Variants in SULT1C3 observed in about 807,000 individuals in gnomAD.
SULT1C3 encodes sulfotransferase family 1C member 3.
In SULT1C3, 31 loss-of-function variants were observed where a neutral mutation model predicts 28.4. The ratio of observed to expected loss-of-function variants is 1.09; its 90% CI spans 0.82 to 1.47. The LOEUF (loss-of-function observed/expected upper bound fraction) is 1.47, where lower values mean the gene tolerates loss of function less well. Ranked by LOEUF, SULT1C3 falls within the 40% of genes most tolerant of loss-of-function variation. The pLI is 0.00. For missense variants in SULT1C3, 307 were observed against 272.5 expected, an observed-to-expected ratio of 1.13 and a Z score of -0.89; for synonymous variants, 106 against 92.2, an observed-to-expected ratio of 1.15 and a Z score of -0.86.
At chr2:108,264,729 C>A, downstream of SULT1C3, 1 of 1,230,982 alleles carries the variant, frequency 8.1e-7, no homozygotes, top group Non-Finnish European at 1.1e-6. Context: ...TCAAATGATC[C>A]TTTAACTCAT....
chr2:108,246,613 C>T (rs1311180058), intron 1 of SULT1C3, among the ~76,000 whole-genome samples: 2 of 151,896 alleles, frequency 1.3e-5, no homozygotes, highest in African/African-American at 4.8e-5. Flanking sequence ...CTGCTGTAAC[C>T]CATGACTGAT....
downstream of SULT1C3, among the ~76,000 whole-genome samples, chr2:108,261,567 G>A (rs780919531): frequency 1.2e-4 from 18 of 152,108 alleles, no homozygotes; most frequent in Non-Finnish European, 2.4e-4. Context: ...AGAAGGTCCT[G>A]AGGGGCCTTA....
chr2:108,263,803 C>T (rs970622564), downstream of SULT1C3, among the ~76,000 whole-genome samples: 9 of 152,204 alleles, frequency 5.9e-5, no homozygotes, highest in Non-Finnish European at 1.3e-4. Context: ...CTCAAAAGCT[C>T]TAACTACTTT....
At position 108,252,406 on chromosome 2, in the gene SULT1C3, G is replaced by A. The variant is rs766992979; in HGVS notation, c.214G>A (p.Asp72Asn). Reference sequence around the variant, plus strand: ...TGAAATTTTAGACATGATTCTAAATGATGGTGATGTGGAGAAATGCAAAAG... The same window carrying A: ...TGAAATTTTAGACATGATTCTAAATAATGGTGATGTGGAGAAATGCAAAAG... ...MHEILDMILNDGDVEKCKRAQ... is the reference protein window; with the variant it reads ...MHEILDMILNNGDVEKCKRAQ... Residue 72 changes from aspartate (D) to asparagine (N), a missense_variant, in exon 3 of 8, where the codon GAT (aspartate) becomes AAT (asparagine). Coordinates refer to ENST00000681802, the MANE Select transcript of SULT1C3 (RefSeq NM_001320878.2). 1.9e-6 allele frequency: 3 copies of A among 1,611,892 alleles called. No homozygotes were observed. The highest frequency in any genetic ancestry group is 2.5e-6 in the Non-Finnish European group (3 of 1,178,744).
At position 108,247,271 on chromosome 2, in the gene SULT1C3, T is replaced by G. The variant is rs764591646; in HGVS notation, c.77T>G (p.Val26Gly). The G allele has an allele frequency of 1.3e-6, 2 of 1,592,824 alleles. No homozygotes were observed. Among genetic ancestry groups the G allele is most frequent in the South Asian group, 2.3e-5 (2 of 87,264 alleles). The part of the protein sequence containing the change: ...ELFNIMEVDG[V>G]PTLILSKEWW... Reference sequence around the variant, plus strand: ...TTTAACATCATGGAAGTAGATGGAGTCCCTACGTTGATATTATCAAAAGAA... The same window carrying G: ...TTTAACATCATGGAAGTAGATGGAGGCCCTACGTTGATATTATCAAAAGAA... The change falls in exon 2 of 8, where the codon GTC becomes GGC. Residue 26 changes from valine to glycine, a missense_variant. Val to Gly is a moderately radical substitution (Grantham distance 109, BLOSUM62 -3). Coordinates refer to ENST00000681802, the MANE Select transcript of SULT1C3 (RefSeq NM_001320878.2).
At chr2:108,261,894 TA>T (rs1305961945), downstream of SULT1C3, among the ~76,000 whole-genome samples, 1 of 151,960 alleles carries the variant, frequency 6.6e-6, no homozygotes, top group Non-Finnish European at 1.5e-5. Flanking sequence ...AACTCAAAGG[TA>T]AAAAATAGAT....
rs531402031 is a variant in SULT1C3, at chr2:108,254,737, A to T, written c.400-835A>T. Among the ~76,000 whole-genome samples, 8 of 150,616 alleles carry T rather than the reference A, an allele frequency of 5.3e-5. No individual in the cohort carries two copies. In the South Asian group the frequency reaches 1.7e-3, roughly 31 times the overall value. On this transcript the variant is annotated intron_variant, in intron 4 of 7. Transcript: ENST00000681802. The stretch of plus-strand genomic sequence containing the variant: ...TGTATGTATATATATGTATATATGT[A>T]TGTATGCATACATATGTATGTATAT...
intron 1 of SULT1C3, among the ~76,000 whole-genome samples, chr2:108,243,732 C>T (rs1675521963): frequency 6.6e-6 from 1 of 152,084 alleles, no homozygotes; most frequent in South Asian, 2.1e-4. Context: ...CAGCAAGAGA[C>T]TATGAGATTT....
chr2:108,247,504 G>A, intron 2 of SULT1C3, 138 bp downstream of exon 2: 2 of 798,672 alleles, frequency 2.5e-6, no homozygotes, highest in Non-Finnish European at 1.8e-6. Flanking sequence ...GGTGCTGCAG[G>A]ACATTTAGCA....
chr2:108,259,041 G>A lies in SULT1C3; in HGVS notation c.697G>A (p.Val233Ile). 3.0e-6 allele frequency: 2 copies of A among 667,838 alleles called. No homozygotes were observed. Among genetic ancestry groups the A allele is most frequent in the South Asian group, 1.6e-5 (1 of 63,928 alleles). 41.4% of individuals were successfully genotyped at this position (667,838 alleles called of 1,614,324 possible). ...TWSGDVINKIVHHTSFDVMKD... is the reference protein window; with the variant it reads ...TWSGDVINKIIHHTSFDVMKD... ...GTCAGGTGATGTTATAAACAAGATT[G>A]TCCACCATACCTCATTTGATGTAAT... Residue 233 changes from valine (V) to isoleucine (I), a missense_variant, in exon 7 of 8, where the codon GTC becomes ATC. Transcript: ENST00000681802.
At chr2:108,254,718 T>C (rs1227834148) in intron 4 of SULT1C3, among the ~76,000 whole-genome samples, 4 of 134,696 alleles carry the variant, frequency 3.0e-5, no homozygotes, top group African/African-American at 9.4e-5. Context: ...TATATGTATG[T>C]ATATATATGT....
Position 108,255,703 on chromosome 2 carries a change from G to A in SULT1C3, c.526+5G>A, listed in dbSNP as rs1675851901. The A allele has an allele frequency of 1.9e-6, 3 of 1,608,736 alleles. No individual in the cohort carries two copies. Among genetic ancestry groups the A allele is most frequent in the Admixed American group, 1.7e-5 (1 of 59,668 alleles). ...AGAAATTCATGTCCGGAAAAGGTGA[G>A]TTCAAACTGATCTTTTTGGTACCCT... On this transcript the variant is annotated splice_donor_5th_base_variant and intron_variant, in intron 5 of 7. Coordinates refer to ENST00000681802, the MANE Select transcript of SULT1C3 (RefSeq NM_001320878.2).
At chr2:108,247,473 C>A in intron 2 of SULT1C3, 107 bp downstream of exon 2, 1 of 1,085,292 alleles carries the variant, frequency 9.2e-7, no homozygotes. Flanking sequence ...AACAATTCCT[C>A]ATTATGGAGA....
rs1675862902 is a variant in SULT1C3, at chr2:108,256,177, G to A, written c.526+479G>A. Among the ~76,000 whole-genome samples, 3 of 152,028 alleles carry A rather than the reference G, an allele frequency of 2.0e-5. No individual in the cohort carries two copies. In the South Asian group the frequency reaches 6.2e-4, roughly 32 times the overall value. ...CTGCAGGAACCTCACATTAGAATTA[G>A]CAGCCATGACCCCTCATCCATTTAT... On this transcript the variant is annotated intron_variant, in intron 5 of 7. Transcript: ENST00000681802.
chr2:108,265,165 G>C, downstream of SULT1C3: 1 of 1,472,974 alleles, frequency 6.8e-7, no homozygotes, highest in Non-Finnish European at 9.3e-7. Flanking sequence ...CTCATTCTTG[G>C]TGGGGTCCTA....
intron 2 of SULT1C3, among the ~76,000 whole-genome samples, chr2:108,250,162 G>A (rs918025539): frequency 6.6e-6 from 1 of 151,470 alleles, no homozygotes; most frequent in South Asian, 2.1e-4. Context: ...TGACATAGAT[G>A]GAGAGAAAAT....
chr2:108,253,437 T>A lies in SULT1C3; in HGVS notation c.394T>A (p.Cys132Ser), dbSNP rs199728317. The A allele has an allele frequency of 1.1e-5, 17 of 1,541,906 alleles. No individual in the cohort carries two copies. The Admixed American group carries it at 2.6e-4, about 24-fold the overall frequency. The change falls in exon 4 of 8, where the codon TGC becomes AGC. Residue 132 changes from cysteine (C) to serine (S), a missense_variant. Cys to Ser is a moderately radical substitution (Grantham distance 112). Coordinates refer to ENST00000681802, the MANE Select transcript of SULT1C3 (RefSeq NM_001320878.2). ...TCCACCATCTATCTGGAAAGAAAACTGCAAGGTATAAAGAGGGGGCTTTTC... is the reference window on the plus strand; with the variant it reads ...TCCACCATCTATCTGGAAAGAAAACAGCAAGGTATAAAGAGGGGGCTTTTC... ...LIPPSIWKEN[C>S]KIVYVARNPK...
At chr2:108,255,731 T>G (rs1675852714) in intron 5 of SULT1C3, 33 bp downstream of exon 5, 1 of 1,599,284 alleles carries the variant, frequency 6.3e-7, no homozygotes, top group Non-Finnish European at 8.5e-7. Flanking sequence ...GGTACCCTCT[T>G]TCAGGTGACT....
In SULT1C3 at chr2:108,240,012, C is replaced by G. The variant is rs1036449422; in HGVS notation, c.-79C>G. Among the ~76,000 whole-genome samples, 3 of 152,338 alleles carry G rather than the reference C, an allele frequency of 2.0e-5. No individual in the cohort carries two copies. The highest frequency in any genetic ancestry group is 7.2e-5 in the African/African-American group (3 of 41,578). On this transcript the variant is annotated 5_prime_UTR_variant, in exon 1 of 8. Coordinates refer to ENST00000681802, the MANE Select transcript of SULT1C3 (RefSeq NM_001320878.2). ...CTTGCACAGTGTCCTGGAGCTGGAC[C>G]TGGCTCTGGGTTTCCAGGAAGCAGT...
Sources: allele counts gnomAD v4.1 joint callset (sites outside exome capture counted in the v4.1 genomes callset), GRCh38; gene constraint gnomAD v4.1.1; transcripts MANE v1.5; gene names NCBI Gene and HGNC (gene_info 2026-07-23, HGNC 2026-07-21).